Variants in MRPL39 observed in about 807,000 individuals in gnomAD.
MRPL39 encodes mitochondrial ribosomal protein L39.
Under a neutral mutation model 44.5 loss-of-function variants are expected in MRPL39, and 35 were observed. The observed-to-expected ratio is 0.79, with a 90% CI of 0.60 to 1.04. The LOEUF is 1.04. Ranked by LOEUF, MRPL39 falls within the 50% of genes least tolerant of loss-of-function variation. The pLI, the probability that MRPL39 is intolerant of heterozygous loss-of-function variation, is 0.00. For synonymous variants in MRPL39, 139 were observed against 136.1 expected (o/e 1.02, Z -0.15); for missense variants, 433 against 413.5 (o/e 1.05, Z -0.41).
At chr21:25,602,615 G>A (rs548031667) in intron 3 of MRPL39, among the ~76,000 whole-genome samples, 4 of 152,088 alleles carry the variant, frequency 2.6e-5, no homozygotes, top group African/African-American at 7.2e-5. Flanking sequence ...ACATTCGACC[G>A]TTTATGTTAC....
At chr21:25,598,733 G>A (rs146087711) in intron 5 of MRPL39, among the ~76,000 whole-genome samples, 187 of 150,248 alleles carry the variant, frequency 1.2e-3, no homozygotes, top group African/African-American at 4.3e-3. Context: ...TGTAATATGC[G>A]CAGGATTATA....
intron 3 of MRPL39, 142 bp from the exon 4 acceptor site, chr21:25,601,609 G>A (rs4817035): frequency 0.79 from 337,167 of 424,836 alleles, 134,746 homozygotes; most frequent in Non-Finnish European, 0.82. Flanking sequence ...AGCAACAGTT[G>A]CCATCAGGCC....
chr21:25,597,484 C>G lies in MRPL39; in HGVS notation c.589-70G>C, dbSNP rs2031396537. On this transcript the variant is annotated intron_variant, in intron 5 of 9. Transcript: ENST00000352957. Reference sequence around the variant, plus strand: ...GCATTTCTCCATAAGCCAGTTGAAACAAAACTCTATGCTTAGTACTGCAAA... The same window carrying G: ...GCATTTCTCCATAAGCCAGTTGAAAGAAAACTCTATGCTTAGTACTGCAAA... 4 of 848,432 alleles carry G rather than the reference C, an allele frequency of 4.7e-6. No homozygotes were observed. The Admixed American group carries it at 1.1e-4, about 24-fold the overall frequency. 52.6% of individuals were successfully genotyped at this position (848,432 alleles called of 1,614,324 possible). A position where few individuals can be genotyped will look rare whatever the true frequency, so the allele number is the denominator to read the frequency against.
upstream of MRPL39, chr21:25,607,519 C>T (rs920557143): frequency 2.5e-6 from 4 of 1,596,540 alleles, no homozygotes; most frequent in Non-Finnish European, 3.4e-6. Context: ...CTCCGCCCTC[C>T]TCCCCCGGAA....
At position 25,592,978 on chromosome 21, in the gene MRPL39, AAAAT is replaced by A. The variant is rs779777368; in HGVS notation, c.768-17_768-14del. ...GAAGTCACCTATTCTGATTGATTTA[AAAAT>A]AAATAAACAAAACTGCAACATCAAA... On this transcript the variant is annotated splice_polypyrimidine_tract_variant and intron_variant, in intron 7 of 9. Transcript: ENST00000352957. The A allele has an allele frequency of 1.0e-5, 16 of 1,569,086 alleles. No individual in the cohort carries two copies. The highest frequency in any genetic ancestry group is 8.4e-5 in the South Asian group (7 of 83,754).
At chr21:25,585,884 AAGTT>A in intron 9 of MRPL39, 130 bp from the exon 10 acceptor site, 1 of 628,304 alleles carries the variant, frequency 1.6e-6, no homozygotes, top group East Asian at 3.2e-5. Context: ...GTAGAATAGA[AAGTT>A]AGGTAAGAAG....
At chr21:25,594,926 A>G (rs1214876780) in intron 6 of MRPL39, among the ~76,000 whole-genome samples, 3 of 152,166 alleles carry the variant, frequency 2.0e-5, no homozygotes, top group African/African-American at 7.2e-5. Context: ...CCAGGTGTCC[A>G]TGTGAAAAAC....
intron 1 of MRPL39, among the ~76,000 whole-genome samples, chr21:25,606,986 T>G (rs1218983499): frequency 1.3e-5 from 2 of 152,112 alleles, no homozygotes; most frequent in Admixed American, 1.3e-4. Flanking sequence ...ACAAGAAAAT[T>G]TCAGGAAACC....
intron 2 of MRPL39, among the ~76,000 whole-genome samples, chr21:25,605,540 A>C (rs1056212794): frequency 3.3e-5 from 5 of 152,198 alleles, no homozygotes; most frequent in Non-Finnish European, 5.9e-5. Flanking sequence ...GCGGCAAAAA[A>C]AAGCTGATCA....
chr21:25,603,826 G>C lies in MRPL39; in HGVS notation c.390C>G (p.Phe130Leu). Residue 130 changes from phenylalanine to leucine, a missense_variant, in exon 3 of 10, where the codon TTC becomes TTG. Coordinates refer to ENST00000352957, the MANE Select transcript of MRPL39 (RefSeq NM_017446.4). ...TKSCEIKFLT[F>L]KDCDPGEVNK... is the part of the protein sequence containing the mutation. Reference sequence around the variant, plus strand: ...TCACTTCTCCTGGATCACAATCTTTGAAAGTAAGAAATTTAATTTCACAGG... The same window carrying C: ...TCACTTCTCCTGGATCACAATCTTTCAAAGTAAGAAATTTAATTTCACAGG... 3 of 1,611,720 alleles carry C rather than the reference G, an allele frequency of 1.9e-6. No individual in the cohort carries two copies. The highest frequency in any genetic ancestry group is 2.5e-6 in the Non-Finnish European group (3 of 1,178,878).
At chr21:25,585,854 T>C in intron 9 of MRPL39, 100 bp from the exon 10 acceptor site, 1 of 776,550 alleles carries the variant, frequency 1.3e-6, no homozygotes, top group East Asian at 2.7e-5. Context: ...ATAATGACCC[T>C]TTATCTTTCC....
Position 25,607,440 on chromosome 21 carries a change from C to A in MRPL39, c.36G>T (p.Arg12=), listed in dbSNP as rs61735760. ...EALAMGSRAL[R]LWLVAPGGGI... Reference sequence around the variant, plus strand: ...CGCCACCGGGTGCGACCAGCCAGAGCCGCAGCGCCCGGGAACCCATGGCCA... The same window carrying A: ...CGCCACCGGGTGCGACCAGCCAGAGACGCAGCGCCCGGGAACCCATGGCCA... Residue 12 remains arginine (R), a synonymous_variant, in exon 1 of 10, where the codon CGG becomes CGT. Transcript: ENST00000352957. 3 of 1,613,100 alleles carry A rather than the reference C, an allele frequency of 1.9e-6. No homozygotes were observed. In the African/African-American group the frequency reaches 4.0e-5, roughly 22 times the overall value.
chr21:25,606,112 G>A (rs1660269581), intron 2 of MRPL39, among the ~76,000 whole-genome samples: 2 of 152,066 alleles, frequency 1.3e-5, no homozygotes, highest in Non-Finnish European at 1.5e-5. Flanking sequence ...GGGAAGTCCA[G>A]GGACTTCTGC....
At chr21:25,593,561 T>C (rs776204630) in intron 7 of MRPL39, among the ~76,000 whole-genome samples, 3 of 152,250 alleles carry the variant, frequency 2.0e-5, no homozygotes, top group Non-Finnish European at 4.4e-5. Context: ...TCAGTATTCA[T>C]ATGAATTACG....
chr21:25,599,536 A>G (rs1357793344), intron 5 of MRPL39, among the ~76,000 whole-genome samples: 2 of 152,220 alleles, frequency 1.3e-5, no homozygotes, highest in Non-Finnish European at 2.9e-5. Context: ...AAGGTCAAGC[A>G]GAACATAAAG....
intron 9 of MRPL39, among the ~76,000 whole-genome samples, chr21:25,586,822 A>G (rs954308407): frequency 3.3e-5 from 5 of 152,188 alleles, no homozygotes; most frequent in African/African-American, 1.2e-4. Flanking sequence ...GCCTTCCTTA[A>G]GCAACTCCCC....
Position 25,600,833 on chromosome 21 carries a change from C to T in MRPL39, c.520+535G>A, listed in dbSNP as rs147554359. On this transcript the variant is annotated intron_variant, in intron 4 of 9. Transcript: ENST00000352957. Reference sequence around the variant, plus strand: ...TAAAAAATAAACGCTAAGGGCCGGGCACGGTGGCTCACGCCTGTAATCCCA... The same window carrying T: ...TAAAAAATAAACGCTAAGGGCCGGGTACGGTGGCTCACGCCTGTAATCCCA... Among the ~76,000 whole-genome samples the T allele has an allele frequency of 7.2e-5, 11 of 152,302 alleles. No individual in the cohort carries two copies. The East Asian group carries it at 2.1e-3, about 29-fold the overall frequency.
At chr21:25,596,244 G>A (rs1427894398) in intron 6 of MRPL39, among the ~76,000 whole-genome samples, 3 of 151,998 alleles carry the variant, frequency 2.0e-5, no homozygotes, top group African/African-American at 2.4e-5. Flanking sequence ...GACTACAGGC[G>A]CCCGCCACCA....
rs570717486 is a variant in MRPL39, at chr21:25,606,370, A to T, written c.280+79T>A. On this transcript the variant is annotated intron_variant, in intron 2 of 9. Transcript: ENST00000352957. ...GCCACAGATGACCAGAAGTAATTAC[A>T]GCATCCTGTCTCCTGCACCAGTGCT... 3.9e-6 allele frequency: 5 copies of T among 1,273,184 alleles called. No individual in the cohort carries two copies. The African/African-American group carries it at 4.5e-5, about 11-fold the overall frequency. 78.9% of individuals were successfully genotyped at this position (1,273,184 alleles called of 1,614,324 possible). A position where few individuals can be genotyped will look rare whatever the true frequency, so the allele number is the denominator to read the frequency against.
Sources: gnomAD v4.1 joint callset for allele counts (sites outside exome capture counted in the v4.1 genomes callset) on GRCh38, gnomAD v4.1.1 for gene constraint, MANE v1.5 for transcripts, NCBI Gene and HGNC (gene_info 2026-07-23, HGNC 2026-07-21) for gene names.